The following EEF2K variants were observed in gnomAD, a reference collection of about 807,000 sequenced individuals.
EEF2K encodes the protein eukaryotic elongation factor 2 kinase.
In EEF2K, 70 loss-of-function variants were observed where a neutral mutation model predicts 93.8. The ratio of observed to expected loss-of-function variants is 0.75; its 90% CI spans 0.62 to 0.91. The LOEUF (loss-of-function observed/expected upper bound fraction) is 0.91. Ranked by LOEUF, EEF2K falls within the 40% of genes least tolerant of loss-of-function variation. EEF2K has a pLI of 0.00. For missense variants in EEF2K, 935 were observed against 972.9 expected (o/e 0.96, Z 0.52); for synonymous variants, 376 against 380.8 (o/e 0.99, Z 0.15).
rs2141686102 is a variant in EEF2K, at chr16:22,275,115, C to CA, written c.1889+1365_1889+1366insA. ...CAAATGTCAGTGTATACATATGGTG[C>CA]CCATTGAGTGCACTGGGGAAGCACA... is the stretch of plus-strand genomic sequence containing the variant. On this transcript the variant is annotated intron_variant, in intron 16 of 17. Transcript: ENST00000263026. 3.3e-5 allele frequency among the ~76,000 whole-genome samples: 5 copies of CA among 152,224 alleles called. No individual in the cohort carries two copies. The East Asian group carries it at 9.6e-4, about 29-fold the overall frequency.
chr16:22,257,475 G>T, intron 8 of EEF2K, 90 bp downstream of exon 8: 1 of 1,566,522 alleles, frequency 6.4e-7, no homozygotes, highest in South Asian at 1.2e-5. Context: ...AACAGGCTGA[G>T]ACACTGTACG....
Position 22,248,167 on chromosome 16 carries a change from C to T in EEF2K, c.348-588C>T, listed in dbSNP as rs183491610. ...GTGACCTCCGCCTCCCGGGTTCAAG[C>T]GATTCTCCTGCCTCAGCCTCCTGAG... is the stretch of plus-strand genomic sequence containing the variant. On this transcript the variant is annotated intron_variant, in intron 3 of 17. Transcript: ENST00000263026. Among the ~76,000 whole-genome samples, 656 of 152,122 alleles carry T rather than the reference C, an allele frequency of 4.3e-3. 3 individuals are homozygous for T. Among genetic ancestry groups the T allele is most frequent in the African/African-American group, 0.015 (608 of 41,520 alleles).
At position 22,287,524 on chromosome 16, in the gene EEF2K, TCA is replaced by T. The variant is rs2047763687; in HGVS notation, c.*3531_*3532del. 2 of 152,324 alleles carry T rather than the reference TCA, an allele frequency of 1.3e-5. No homozygotes were observed. Among genetic ancestry groups the T allele is most frequent in the East Asian group, 1.9e-4 (1 of 5,186 alleles). The allele number at this position is 152,324 out of a possible 1,614,324, so 9.4% of individuals were successfully genotyped here. On this transcript the variant is annotated 3_prime_UTR_variant, in exon 18 of 18. Coordinates refer to ENST00000263026, the MANE Select transcript of EEF2K (RefSeq NM_013302.5). ...GAGGTTCTGCCAGCTAGATTTTTTT[TCA>T]CAGTGTCACTGCTAGCAAGCCACTA...
rs748519032 is a variant in EEF2K at position 22,257,811 on chromosome 16, TCTG to T, written c.1029+44_1029+46del. 2.9e-5 allele frequency: 47 copies of T among 1,603,664 alleles called. No individual in the cohort carries two copies. In the Admixed American group the frequency reaches 5.9e-4, roughly 20 times the overall value. ...GACCCTGCTTGGCCTGGCAGGCCCT[TCTG>T]CTACTTGCAAAGCAAGCCCTGCTCC... On this transcript the variant is annotated intron_variant, in intron 9 of 17. Transcript: ENST00000263026.
At chr16:22,278,863 G>A (rs1211160796) in intron 16 of EEF2K, among the ~76,000 whole-genome samples, 1 of 152,164 alleles carries the variant, frequency 6.6e-6, no homozygotes, top group African/African-American at 2.4e-5. Flanking sequence ...GAGGAGTTGA[G>A]GGTCGACGGG....
At chr16:22,274,439 C>T (rs1272228000) in intron 16 of EEF2K, among the ~76,000 whole-genome samples, 2 of 143,476 alleles carry the variant, frequency 1.4e-5, no homozygotes, top group East Asian at 4.0e-4. Flanking sequence ...GCAAGATTCC[C>T]TCTCAAAAAA....
intron 16 of EEF2K, among the ~76,000 whole-genome samples, chr16:22,274,709 G>T (rs1412727583): frequency 6.6e-6 from 1 of 152,100 alleles, no homozygotes; most frequent in Admixed American, 6.6e-5. Flanking sequence ...CTGGGCTCAA[G>T]CAGTCCTCCC....
chr16:22,263,161 C>T lies in EEF2K; in HGVS notation c.1351C>T (p.Leu451=). 6.2e-7 allele frequency: 1 copy of T among 1,612,440 alleles called. No individual in the cohort carries two copies. ...SGYPSEKRGE[L]DDPEPREHGH... ...ATACCCCAGTGAGAAGCGGGGTGAGCTGGATGACCCTGAGCCCCGAGAACA... is the reference window on the plus strand; with the variant it reads ...ATACCCCAGTGAGAAGCGGGGTGAGTTGGATGACCCTGAGCCCCGAGAACA... Residue 451 remains leucine, a synonymous_variant, in exon 12 of 18, where the codon CTG becomes TTG. Transcript: ENST00000263026.
chr16:22,247,091 C>T (rs2047301872), intron 3 of EEF2K, among the ~76,000 whole-genome samples: 1 of 140,240 alleles, frequency 7.1e-6, no homozygotes, highest in Non-Finnish European at 1.5e-5. Context: ...CCCTTGCCCA[C>T]TACCAGTCAT....
chr16:22,273,475 G>A, intron 15 of EEF2K, 151 bp from the exon 16 acceptor site: 1 of 1,115,822 alleles, frequency 9.0e-7, no homozygotes, highest in Non-Finnish European at 1.3e-6. Context: ...CCAAGCCTCT[G>A]GAGTCAAGTG....
chr16:22,273,551 G>A (rs1028130795), intron 15 of EEF2K, 75 bp from the exon 16 acceptor site: 25 of 1,573,266 alleles, frequency 1.6e-5, no homozygotes, highest in Non-Finnish European at 2.2e-5. Flanking sequence ...TGAAGATTGA[G>A]TAGTGAGATC....
chr16:22,243,892 C>T (rs1164526395), intron 2 of EEF2K, among the ~76,000 whole-genome samples: 1 of 141,630 alleles, frequency 7.1e-6, no homozygotes, highest in Non-Finnish European at 1.5e-5. Context: ...CACTGCACTC[C>T]AGCCTCGGCG....
At chr16:22,251,073 G>C in intron 5 of EEF2K, 78 bp from the exon 6 acceptor site, 2 of 1,532,178 alleles carry the variant, frequency 1.3e-6, no homozygotes, top group East Asian at 2.3e-5. Context: ...ACAGGGTCTT[G>C]CTGTCCTGAG....
At chr16:22,216,363 G>A (rs1433650166) in intron 1 of EEF2K, among the ~76,000 whole-genome samples, 1 of 152,172 alleles carries the variant, frequency 6.6e-6, no homozygotes, top group African/African-American at 2.4e-5. Context: ...GTAGCACCTG[G>A]TGTGCAGTCA....
chr16:22,217,893 T>C (rs2046974472), intron 1 of EEF2K, among the ~76,000 whole-genome samples: 1 of 152,220 alleles, frequency 6.6e-6, no homozygotes, highest in South Asian at 2.1e-4. Context: ...GTAGTTTGGT[T>C]TCGGGAACAT....
At chr16:22,234,877 CTTTTTTT>C (rs1173052779) in intron 2 of EEF2K, among the ~76,000 whole-genome samples, 1 of 90,628 alleles carries the variant, frequency 1.1e-5, no homozygotes. Flanking sequence ...TTTTTTGTTG[CTTTTTTT>C]TTTTTTTTTT....
At position 22,228,006 on chromosome 16, in the gene EEF2K, C is replaced by CTTTTTTT. The variant is rs1051682997; in HGVS notation, c.246+2050_246+2056dup. ...ACAGCTATGAAGGATAAACCAAATT[C>CTTTTTTT]TTTTTTTTTTTTTTTTTTTTTTTTT... On this transcript the variant is annotated intron_variant, in intron 2 of 17. Transcript: ENST00000263026. Among the ~76,000 whole-genome samples, 56 of 80,052 alleles carry CTTTTTTT rather than the reference C, an allele frequency of 7.0e-4. 1 individual carries two copies. The highest frequency in any genetic ancestry group is 2.3e-3 in the East Asian group (5 of 2,128). 52.5% of individuals were successfully genotyped at this position (80,052 alleles called of 152,430 possible). A position where few individuals can be genotyped will look rare whatever the true frequency, so the allele number is the denominator to read the frequency against.
At chr16:22,269,484 C>T (rs906113545) in intron 15 of EEF2K, among the ~76,000 whole-genome samples, 2 of 152,168 alleles carry the variant, frequency 1.3e-5, no homozygotes, top group Middle Eastern at 3.4e-3. Flanking sequence ...TCACTGCAAC[C>T]TCCACCTCCC....
At chr16:22,249,632 G>T (rs551086883) in intron 4 of EEF2K, among the ~76,000 whole-genome samples, 7 of 152,126 alleles carry the variant, frequency 4.6e-5, no homozygotes, top group Admixed American at 2.6e-4. Context: ...TAGAGACAGG[G>T]TCTTGCTCTG....
Sources: allele counts gnomAD v4.1 joint callset (sites outside exome capture counted in the v4.1 genomes callset), GRCh38; gene constraint gnomAD v4.1.1; transcripts MANE v1.5; gene names NCBI Gene and HGNC (gene_info 2026-07-23, HGNC 2026-07-21).